INSR: variants seen among roughly 807,000 people sequenced by gnomAD.
The protein encoded by INSR is IR.
INSR carries 67 observed loss-of-function variants against 142.6 expected under a neutral mutation model. The ratio of observed to expected loss-of-function variants is 0.47; its 90% confidence interval spans 0.39 to 0.58. The LOEUF (loss-of-function observed/expected upper bound fraction) is 0.58. Ranked by LOEUF, INSR falls within the 20% of genes least tolerant of loss-of-function variation. The pLI is 0.00. For synonymous variants in INSR, 756 were observed against 743.1 expected (o/e 1.02, Z -0.28); for missense variants, 1,248 against 1,833.2 (o/e 0.68, Z 5.83).
Position 7,141,730 on chromosome 19 carries a change from G to A in INSR, c.2629C>T (p.Pro877Ser). 6.2e-7 allele frequency: 1 copy of A among 1,614,112 alleles called. No individual in the cohort carries two copies. Among genetic ancestry groups the A allele is most frequent in the Non-Finnish European group, 8.5e-7 (1 of 1,179,984 alleles). The change falls in exon 13 of 22, where the codon CCC becomes TCC. Residue 877 changes from proline to serine, a missense_variant. Physicochemically the swap from Pro to Ser is moderately conservative, Grantham distance 74 (BLOSUM62 -1). Around this residue, in one of 3 missense-constraint regions of INSR, gnomAD observed 1,069 missense variants for 1,654.0 expected, o/e 0.65. Transcript: ENST00000302850. Reference protein sequence around the residue: ...VHLMWQEPKEPNGLIVLYEVS... With the variant: ...VHLMWQEPKESNGLIVLYEVS... ...TCATACAGCACGATCAGACCATTGG[G>A]CTCCTTCGGCTCCTGCCACATCAAG...
At chr19:7,193,742 T>A (rs768908059) in intron 2 of INSR, among the ~76,000 whole-genome samples, 1 of 152,058 alleles carries the variant, frequency 6.6e-6, no homozygotes, top group Non-Finnish European at 1.5e-5. Flanking sequence ...CAGGCTGGAG[T>A]GCAGTGGCAT....
At chr19:7,151,168 CTTTCTTTCTTTCTT>C (rs1973340345) in intron 10 of INSR, among the ~76,000 whole-genome samples, 1 of 6,388 alleles carries the variant, frequency 1.6e-4, no homozygotes, top group African/African-American at 2.2e-4. Context: ...CTTTCTCTTT[CTTTCTTTCTTTCTT>C]TCTTTCTTTC....
At chr19:7,242,536 G>A (rs933410688) in intron 2 of INSR, among the ~76,000 whole-genome samples, 2 of 151,604 alleles carry the variant, frequency 1.3e-5, no homozygotes, top group African/African-American at 4.9e-5. Context: ...TCAGGAGTTC[G>A]AGACCAGCCT....
chr19:7,174,492 G>GCA, intron 4 of INSR, 91 bp downstream of exon 4: 1 of 1,436,242 alleles, frequency 7.0e-7, no homozygotes, highest in Middle Eastern at 1.8e-4. Context: ...GGAGCACGCA[G>GCA]CAGGGTCTGC....
intron 2 of INSR, among the ~76,000 whole-genome samples, chr19:7,205,029 A>G (rs1042910414): frequency 2.6e-5 from 4 of 152,214 alleles, no homozygotes; most frequent in African/African-American, 9.6e-5. Context: ...GGTTGCGGTG[A>G]GCCGAGAAGG....
intron 2 of INSR, among the ~76,000 whole-genome samples, chr19:7,241,158 T>C (rs1008107348): frequency 5.5e-5 from 8 of 146,654 alleles, no homozygotes; most frequent in Non-Finnish European, 7.5e-5. Flanking sequence ...TTTCACTTAT[T>C]CACTTTTTAT....
rs1424523294 is a variant in INSR at position 7,146,236 on chromosome 19, C to CCTTTTTTTTTTTTTTTTT, written c.2268-3147_2268-3146insAAAAAAAAAAAAAAAAAG. Reference sequence around the variant, plus strand: ...TTCAGTGCAGTATCTTTGTCAAGTTCTTTTTTTTTTTTTTTTTTTTTTGAG... The same window carrying CCTTTTTTTTTTTTTTTTT: ...TTCAGTGCAGTATCTTTGTCAAGTTCCTTTTTTTTTTTTTTTTTTTTTTTTTTTTTTTTTTTTTTTGAG... On this transcript the variant is annotated intron_variant, in intron 11 of 21. Transcript: ENST00000302850. 4.5e-5 allele frequency among the ~76,000 whole-genome samples: 5 copies of CCTTTTTTTTTTTTTTTTT among 110,756 alleles called. 2 individuals are homozygous for CCTTTTTTTTTTTTTTTTT. Among genetic ancestry groups the CCTTTTTTTTTTTTTTTTT allele is most frequent in the African/African-American group, 6.9e-5 (2 of 28,804 alleles). The allele number at this position is 110,756 out of a possible 152,430, so 72.7% of individuals were successfully genotyped here.
chr19:7,140,201 G>C (rs74757437), intron 13 of INSR, among the ~76,000 whole-genome samples: 1 of 152,152 alleles, frequency 6.6e-6, no homozygotes. Context: ...GGTCCCAGGA[G>C]GGGTAGAGGG....
intron 13 of INSR, among the ~76,000 whole-genome samples, chr19:7,138,108 C>T (rs192567540): frequency 0.018 from 2,787 of 151,646 alleles, 50 homozygotes; most frequent in African/African-American, 0.044. Context: ...GGACTACAGG[C>T]GCCCGCCACC....
At chr19:7,194,353 G>A (rs1184027454) in intron 2 of INSR, among the ~76,000 whole-genome samples, 3 of 151,824 alleles carry the variant, frequency 2.0e-5, no homozygotes, top group Admixed American at 2.0e-4. Context: ...GGAGGCAGTC[G>A]TTGCAGTCAG....
Position 7,116,943 on chromosome 19 carries a change from T to C in INSR, c.*113A>G. 1.2e-6 allele frequency: 1 copy of C among 867,272 alleles called. No homozygotes were observed. The highest frequency in any genetic ancestry group is 1.7e-5 in the Admixed American group (1 of 57,480). The allele number at this position is 867,272 out of a possible 1,614,324, so 53.7% of individuals were successfully genotyped here. A position where few individuals can be genotyped will look rare whatever the true frequency, so the allele number is the denominator to read the frequency against. ...AACAGAAATGTATAGGAACGATCTC[T>C]GAACTCCATTGGACATGGTAGAGTC... On this transcript the variant is annotated 3_prime_UTR_variant, in exon 22 of 22. Transcript: ENST00000302850.
chr19:7,166,067 A>T lies in INSR; in HGVS notation c.1861+87T>A. The T allele has an allele frequency of 6.8e-7, 1 of 1,466,542 alleles. No individual in the cohort carries two copies. The allele number at this position is 1,466,542 out of a possible 1,614,324, so 90.8% of individuals were successfully genotyped here. On this transcript the variant is annotated intron_variant, in intron 8 of 21. Transcript: ENST00000302850. The surrounding 1 kb of genome is among the most constrained non-coding windows in gnomAD (Gnocchi z 4.1). ...AAAAAAGCCAATAACCATATCAAGG[A>T]GCATTTTATACAACCTCACTGCATC...
chr19:7,269,686 G>A (rs77965552), intron 1 of INSR, among the ~76,000 whole-genome samples: 25,785 of 138,870 alleles, frequency 0.19, 2,496 homozygotes, highest in Middle Eastern at 0.24. Context: ...AAAGAACCCC[G>A]CGTGCCATTG....
In INSR at chr19:7,142,958, C is replaced by T. The variant is rs778534340; in HGVS notation, c.2400G>A (p.Lys800=). Residue 800 remains lysine, a synonymous_variant, in exon 12 of 22, where the codon AAG becomes AAA. Coordinates refer to ENST00000302850, the MANE Select transcript of INSR (RefSeq NM_000208.4). ...TGACCAGCGACTCCTTGTTCACCAC[C>T]TTCTCAAAAGGCCTGTGCTCCTCCG... is the stretch of plus-strand genomic sequence containing the variant. The part of the protein sequence containing the change: ...TSPEEHRPFE[K]VVNKESLVIS... 1 of 1,614,186 alleles carries T rather than the reference C, an allele frequency of 6.2e-7. No individual in the cohort carries two copies. The highest frequency in any genetic ancestry group is 8.5e-7 in the Non-Finnish European group (1 of 1,180,034).
rs542863006 is a variant in INSR, at chr19:7,253,586, C to T, written c.652+13759G>A. On this transcript the variant is annotated intron_variant, in intron 2 of 21. Transcript: ENST00000302850. Reference sequence around the variant, plus strand: ...TCCAGTGTGTTGAAAGACTTTGGTCCACTTCCCAAACCTGTGATTGGAGGA... The same window carrying T: ...TCCAGTGTGTTGAAAGACTTTGGTCTACTTCCCAAACCTGTGATTGGAGGA... 3.3e-5 allele frequency among the ~76,000 whole-genome samples: 5 copies of T among 152,244 alleles called. No individual in the cohort carries two copies. The East Asian group carries it at 9.7e-4, about 29-fold the overall frequency.
intron 17 of INSR, among the ~76,000 whole-genome samples, chr19:7,123,727 A>G (rs1972551637): frequency 6.7e-6 from 1 of 149,772 alleles, no homozygotes; most frequent in Non-Finnish European, 1.5e-5. Flanking sequence ...GTTCGAGACC[A>G]GCCTGGCCAA....
At position 7,293,025 on chromosome 19, in the gene INSR, T is replaced by C. The variant is rs373786808; in HGVS notation, c.100+767A>G. ...GGGAGTTATGCGTCCTACATGAGCC[T>C]CAGTTTACTCCTCTGTGAAATGGGT... On this transcript the variant is annotated intron_variant, in intron 1 of 21. Coordinates refer to ENST00000302850, the MANE Select transcript of INSR (RefSeq NM_000208.4). 2.6e-5 allele frequency among the ~76,000 whole-genome samples: 4 copies of C among 152,276 alleles called. No individual in the cohort carries two copies. The East Asian group carries it at 5.8e-4, about 22-fold the overall frequency.
At chr19:7,209,584 ATTT>A (rs10714669) in intron 2 of INSR, among the ~76,000 whole-genome samples, 1 of 148,970 alleles carries the variant, frequency 6.7e-6, no homozygotes, top group African/African-American at 2.5e-5. Context: ...TGCCCAGCTA[ATTT>A]TTTTTTTTTA....
intron 11 of INSR, among the ~76,000 whole-genome samples, chr19:7,143,743 C>G (rs1283752796): frequency 6.6e-6 from 1 of 151,880 alleles, no homozygotes; most frequent in East Asian, 1.9e-4. Flanking sequence ...TTTTAAAATA[C>G]AAAGAAAAAA....
Sources: allele counts gnomAD v4.1 joint callset (sites outside exome capture counted in the v4.1 genomes callset), GRCh38; gene constraint gnomAD v4.1.1; regional missense constraint gnomAD v4.1.1; non-coding constraint Gnocchi (gnomAD v3.1); transcripts MANE v1.5; gene names NCBI Gene and HGNC (gene_info 2026-07-23, HGNC 2026-07-21).